The following CASQ2 variants were observed in gnomAD, a reference collection of about 807,000 sequenced individuals.
CASQ2 encodes calsequestrin-2.
CASQ2 carries 49 observed loss-of-function variants against 46.5 expected under a neutral mutation model. The ratio of observed to expected loss-of-function variants is 1.05; its 90% CI spans 0.84 to 1.34. The LOEUF (loss-of-function observed/expected upper bound fraction) is 1.34, where lower values mean the gene tolerates loss of function less well. Ranked by LOEUF, CASQ2 falls within the 40% of genes most tolerant of loss-of-function variation. CASQ2 has a pLI of 0.00. For synonymous variants in CASQ2, 174 were observed against 168.5 expected (o/e 1.03, Z -0.25); for missense variants, 486 against 481.3 (o/e 1.01, Z -0.09).
At chr1:115,753,681 C>T (rs1648659618) in intron 1 of CASQ2, among the ~76,000 whole-genome samples, 1 of 152,188 alleles carries the variant, frequency 6.6e-6, no homozygotes, top group African/African-American at 2.4e-5. Context: ...AATCCAGTCT[C>T]TTCATAGGAC....
chr1:115,750,107 T>C (rs1008509645), intron 1 of CASQ2, among the ~76,000 whole-genome samples: 3 of 152,232 alleles, frequency 2.0e-5, no homozygotes, highest in African/African-American at 4.8e-5. Flanking sequence ...AATGGGTGGA[T>C]TGGTCCAAGT....
chr1:115,764,101 A>G (rs1469259637), intron 1 of CASQ2, among the ~76,000 whole-genome samples: 1 of 152,250 alleles, frequency 6.6e-6, no homozygotes, highest in East Asian at 1.9e-4. Context: ...ATAATTTATG[A>G]AAGAAAAAAT....
intron 2 of CASQ2, among the ~76,000 whole-genome samples, chr1:115,742,212 A>G (rs1488063431): frequency 6.6e-6 from 1 of 151,158 alleles, no homozygotes; most frequent in African/African-American, 2.4e-5. Context: ...AAAATTATAT[A>G]TTTTTTATAT....
At chr1:115,762,767 C>A (rs1477691631) in intron 1 of CASQ2, among the ~76,000 whole-genome samples, 2 of 152,144 alleles carry the variant, frequency 1.3e-5, no homozygotes, top group Non-Finnish European at 2.9e-5. Context: ...GGACTCCTAG[C>A]AGTGAAGTGG....
intron 1 of CASQ2, among the ~76,000 whole-genome samples, chr1:115,751,802 A>T (rs1187270709): frequency 6.6e-6 from 1 of 152,190 alleles, no homozygotes; most frequent in Non-Finnish European, 1.5e-5. Context: ...AATACTGTGG[A>T]TTAAATTTCC....
In CASQ2 at chr1:115,725,662, C is replaced by T. The variant is rs4475752; in HGVS notation, c.738-109G>A. The T allele has an allele frequency of 0.55, 760,833 of 1,374,750 alleles. 212,122 individuals carry two copies. Among genetic ancestry groups the T allele is most frequent in the East Asian group, 0.67 (29,068 of 43,326 alleles). The allele number at this position is 1,374,750 out of a possible 1,614,324, so 85.2% of individuals were successfully genotyped here. ...GAAATGTAAAATGAGATGATGCTTC[C>T]TTTGCAAGGCAGGGAGAGCCCTAAA... is the stretch of plus-strand genomic sequence containing the variant. On this transcript the variant is annotated intron_variant, in intron 6 of 10. Coordinates refer to ENST00000261448, the MANE Select transcript of CASQ2 (RefSeq NM_001232.4).
intron 2 of CASQ2, among the ~76,000 whole-genome samples, chr1:115,741,211 C>A (rs1312732078): frequency 2.6e-5 from 4 of 152,224 alleles, no homozygotes; most frequent in Non-Finnish European, 4.4e-5. Context: ...CCAAATCTAT[C>A]CCTTTCATTC....
intron 9 of CASQ2, 46 bp from the exon 10 acceptor site, chr1:115,703,041 C>G (rs774205511): frequency 1.7e-5 from 26 of 1,495,078 alleles, no homozygotes; most frequent in Non-Finnish European, 2.4e-5. Context: ...AGAGGGCATT[C>G]TCTGTTAAGG....
intron 1 of CASQ2, among the ~76,000 whole-genome samples, chr1:115,759,664 G>T (rs940776018): frequency 6.6e-6 from 1 of 152,166 alleles, no homozygotes; most frequent in African/African-American, 2.4e-5. Context: ...ATAAATGAAA[G>T]AATTAATATT....
chr1:115,728,617 C>T (rs368299257), intron 5 of CASQ2, among the ~76,000 whole-genome samples: 23 of 152,142 alleles, frequency 1.5e-4, no homozygotes, highest in African/African-American at 5.1e-4. Flanking sequence ...AGAATGAAAA[C>T]AGTAATAATA....
intron 8 of CASQ2, among the ~76,000 whole-genome samples, chr1:115,713,185 C>A (rs1654602290): frequency 6.6e-6 from 1 of 152,170 alleles, no homozygotes. Context: ...CCTTTCATCA[C>A]ATGTTATAAA....
At chr1:115,725,296 GA>G (rs1273455714) in intron 7 of CASQ2, among the ~76,000 whole-genome samples, 8 of 152,072 alleles carry the variant, frequency 5.3e-5, no homozygotes, top group Admixed American at 5.2e-4. Context: ...TCAGACACCT[GA>G]ACTCAAGTGA....
intron 2 of CASQ2, among the ~76,000 whole-genome samples, chr1:115,743,396 A>G (rs1351647544): frequency 6.6e-6 from 1 of 152,048 alleles, no homozygotes; most frequent in Non-Finnish European, 1.5e-5. Flanking sequence ...GGCACATGCC[A>G]CCATGCCCAG....
intron 1 of CASQ2, among the ~76,000 whole-genome samples, chr1:115,753,701 C>G (rs1167522036): frequency 6.6e-6 from 1 of 152,198 alleles, no homozygotes; most frequent in Non-Finnish European, 1.5e-5. Context: ...CTTACCAGCT[C>G]TAACCCAGGG....
intron 7 of CASQ2, among the ~76,000 whole-genome samples, chr1:115,718,775 C>A (rs569252974): frequency 1.3e-5 from 2 of 152,258 alleles, no homozygotes; most frequent in Admixed American, 1.3e-4. Flanking sequence ...TGTCTCTACA[C>A]CCTGGGCAGC....
intron 5 of CASQ2, among the ~76,000 whole-genome samples, chr1:115,729,384 A>G (rs190502403): frequency 3.8e-4 from 58 of 152,054 alleles, no homozygotes; most frequent in African/African-American, 1.3e-3. Flanking sequence ...CCTATCTTGG[A>G]TGGTAAGGAC....
chr1:115,744,483 C>T (rs955889706), intron 2 of CASQ2, among the ~76,000 whole-genome samples: 16 of 152,224 alleles, frequency 1.1e-4, no homozygotes, highest in Admixed American at 3.3e-4. Flanking sequence ...TTTTAACTCT[C>T]TCAGAGAGAT....
chr1:115,728,976 A>T (rs1027836652), intron 5 of CASQ2, among the ~76,000 whole-genome samples: 17 of 148,824 alleles, frequency 1.1e-4, no homozygotes, highest in Non-Finnish European at 8.9e-5. Flanking sequence ...TTCACTGTCT[A>T]CCTACCACCA....
At chr1:115,765,403 C>T (rs147373044) in intron 1 of CASQ2, among the ~76,000 whole-genome samples, 85 of 152,176 alleles carry the variant, frequency 5.6e-4, no homozygotes, top group Non-Finnish European at 1.2e-3. Context: ...ACATGACTGG[C>T]CACAGTGCCC....
Sources: allele counts gnomAD v4.1 joint callset (sites outside exome capture counted in the v4.1 genomes callset), GRCh38; gene constraint gnomAD v4.1.1; transcripts MANE v1.5; gene names NCBI Gene and HGNC (gene_info 2026-07-23, HGNC 2026-07-21).